Variants in DNAAF9 observed in about 807,000 individuals in gnomAD.
The protein encoded by DNAAF9 is dynein axonemal assembly factor 9.
DNAAF9 carries 90 observed loss-of-function variants against 167.0 expected under a neutral mutation model. That is an observed-to-expected ratio of 0.54 (90% CI 0.45 to 0.64). The LOEUF (loss-of-function observed/expected upper bound fraction) is 0.64, where lower values mean the gene tolerates loss of function less well. DNAAF9 is among the 30% of genes least tolerant of loss of function. The pLI, the probability that DNAAF9 is intolerant of heterozygous loss-of-function variation, is 0.00. For synonymous variants in DNAAF9, 491 were observed against 508.8 expected, an observed-to-expected ratio of 0.96 and a Z score of 0.47; for missense variants, 1,315 against 1,442.2, an observed-to-expected ratio of 0.91 and a Z score of 1.43.
chr20:3,254,698 TC>T (rs1448001880), intron 35 of DNAAF9, among the ~76,000 whole-genome samples: 1 of 152,154 alleles, frequency 6.6e-6, no homozygotes, highest in Admixed American at 6.6e-5. Flanking sequence ...AGACTCTGTG[TC>T]CTTTTTAGCT....
intron 24 of DNAAF9, 66 bp from the exon 25 acceptor site, chr20:3,294,322 T>C: frequency 1.8e-6 from 2 of 1,090,542 alleles, no homozygotes; most frequent in Non-Finnish European, 1.4e-6. Flanking sequence ...CCTACTCACA[T>C]GAAAAAGTTT....
intron 7 of DNAAF9, among the ~76,000 whole-genome samples, chr20:3,355,107 C>A (rs1246541472): frequency 6.6e-6 from 1 of 152,176 alleles, no homozygotes; most frequent in Non-Finnish European, 1.5e-5. Flanking sequence ...TACTAAATTA[C>A]CTGTCTCTCT....
chr20:3,329,946 T>C (rs559637577), intron 12 of DNAAF9, among the ~76,000 whole-genome samples: 7 of 152,358 alleles, frequency 4.6e-5, no homozygotes, highest in East Asian at 1.9e-4. Context: ...CTATGTTCCA[T>C]AGGCTTAAGT....
At chr20:3,312,059 G>GC (rs1222851303) in intron 20 of DNAAF9, among the ~76,000 whole-genome samples, 1 of 151,374 alleles carries the variant, frequency 6.6e-6, no homozygotes, top group Non-Finnish European at 1.5e-5. Context: ...CACAATCTTG[G>GC]CCCACCACAA....
chr20:3,387,853 C>CAACACAGG (rs1391831356), intron 1 of DNAAF9, among the ~76,000 whole-genome samples: 14 of 129,910 alleles, frequency 1.1e-4, no homozygotes, highest in Admixed American at 1.8e-4. Context: ...CCAGCCAGGG[C>CAACACAGG]AACACAGGGA....
intron 36 of DNAAF9, among the ~76,000 whole-genome samples, chr20:3,253,422 C>T (rs2068226441): frequency 6.6e-6 from 1 of 152,128 alleles, no homozygotes; most frequent in Non-Finnish European, 1.5e-5. Context: ...GCCTGGGCAG[C>T]AAGAGTGAAA....
chr20:3,332,888 G>A (rs1053174461), intron 10 of DNAAF9, among the ~76,000 whole-genome samples: 13 of 133,290 alleles, frequency 9.8e-5, no homozygotes, highest in African/African-American at 2.8e-4. Context: ...GCGTGTGTGC[G>A]TGTGTGCGTG....
intron 8 of DNAAF9, among the ~76,000 whole-genome samples, chr20:3,348,188 T>C (rs902279239): frequency 3.3e-5 from 5 of 152,076 alleles, no homozygotes; most frequent in African/African-American, 9.7e-5. Context: ...TGGAAAGACA[T>C]CTTGGCATTC....
At chr20:3,402,957 T>C (rs2084008262) in intron 1 of DNAAF9, among the ~76,000 whole-genome samples, 1 of 152,218 alleles carries the variant, frequency 6.6e-6, no homozygotes, top group Non-Finnish European at 1.5e-5. Context: ...GAAACGTATG[T>C]CCTTTGGTTC....
intron 12 of DNAAF9, among the ~76,000 whole-genome samples, chr20:3,328,034 C>G (rs545368742): frequency 7.2e-5 from 11 of 152,202 alleles, no homozygotes; most frequent in Non-Finnish European, 1.6e-4. Context: ...AGATATCCCC[C>G]TCCTCAGCTG....
chr20:3,306,810 G>A, intron 20 of DNAAF9: 1 of 618,030 alleles, frequency 1.6e-6, no homozygotes, highest in Non-Finnish European at 2.0e-6. Context: ...AGCCCACAGA[G>A]CTCATCCCAG....
chr20:3,322,183 TC>T (rs2069627434), intron 16 of DNAAF9, 33 bp downstream of exon 16: 1 of 1,572,548 alleles, frequency 6.4e-7, no homozygotes, highest in Non-Finnish European at 8.7e-7. Context: ...TACAGGCCAT[TC>T]CCAGCCAGCT....
chr20:3,270,435 A>C lies in DNAAF9; in HGVS notation c.2778T>G (p.Ile926Met), dbSNP rs752206053. Residue 926 changes from isoleucine (I) to methionine (M), a missense_variant, in exon 30 of 37, where the codon ATT becomes ATG. This residue lies in a region of DNAAF9 where 334 missense variants were observed against 429.7 expected (regional missense o/e 0.78). Transcript: ENST00000252032. ...GTGAATCTATAGATTACCTGGTGAC[A>C]ATCCCATTTTCTGCAAGAATGAAGG... is the stretch of plus-strand genomic sequence containing the variant. ...AAAFILAENG[I>M]VTRNEDIELI... 3.7e-6 allele frequency: 6 copies of C among 1,613,938 alleles called. No individual in the cohort carries two copies. In the Admixed American group the frequency reaches 1.0e-4, roughly 27 times the overall value.
chr20:3,333,346 T>A (rs2069875663), intron 10 of DNAAF9, among the ~76,000 whole-genome samples: 1 of 152,154 alleles, frequency 6.6e-6, no homozygotes, highest in African/African-American at 2.4e-5. Flanking sequence ...AGGTATAAAA[T>A]GCAAAAATAC....
intron 12 of DNAAF9, among the ~76,000 whole-genome samples, chr20:3,328,187 T>TTTTTTTTTGTTTTGTTTTG (rs1568607076): frequency 6.7e-6 from 1 of 148,238 alleles, no homozygotes; most frequent in African/African-American, 2.5e-5. Context: ...GGCTCTGTTT[T>TTTTTTTTTGTTTTGTTTTG]TTTTTTTTTT....
At chr20:3,357,630 CTTTATCTT>C (rs2083305549) in intron 7 of DNAAF9, among the ~76,000 whole-genome samples, 1 of 49,866 alleles carries the variant, frequency 2.0e-5, no homozygotes, top group South Asian at 9.7e-4. Context: ...ACCCATCCAG[CTTTATCTT>C]TTACTGTTCA....
chr20:3,255,934 T>C (rs1323605873), intron 34 of DNAAF9, 72 bp downstream of exon 34: 3 of 1,182,948 alleles, frequency 2.5e-6, no homozygotes, highest in Non-Finnish European at 3.7e-6. Flanking sequence ...TGGCGGGGCT[T>C]CTCAGGGCCA....
At chr20:3,404,405 C>T (rs2084028442) in intron 1 of DNAAF9, among the ~76,000 whole-genome samples, 1 of 152,182 alleles carries the variant, frequency 6.6e-6, no homozygotes. Flanking sequence ...AATTATTCTC[C>T]CACCTCAGAG....
chr20:3,398,862 T>C (rs1212857217), intron 1 of DNAAF9, among the ~76,000 whole-genome samples: 1 of 152,188 alleles, frequency 6.6e-6, no homozygotes, highest in Non-Finnish European at 1.5e-5. Flanking sequence ...AAAGCCAGGA[T>C]GTGCAGTAAG....
Sources: allele counts gnomAD v4.1 joint callset (sites outside exome capture counted in the v4.1 genomes callset), GRCh38; gene constraint gnomAD v4.1.1; regional missense constraint gnomAD v4.1.1; transcripts MANE v1.5; gene names NCBI Gene and HGNC (gene_info 2026-07-23, HGNC 2026-07-21).